Variants in HNRNPC observed in about 807,000 individuals in gnomAD.
HNRNPC encodes heterogeneous nuclear ribonucleoprotein C.
In HNRNPC, 3 loss-of-function variants were observed where a neutral mutation model predicts 33.2. That is an observed-to-expected ratio of 0.09 (90% CI 0.04 to 0.23). The LOEUF (loss-of-function observed/expected upper bound fraction) is 0.23, where lower values mean the gene tolerates loss of function less well. Among genes scored for constraint, HNRNPC ranks in the 10% least tolerant of loss-of-function variants. The pLI is 1.00. For synonymous variants in HNRNPC, 121 were observed against 126.7 expected (o/e 0.96, Z 0.30); for missense variants, 143 against 366.7 (o/e 0.39, Z 4.98).
At chr14:21,238,274 T>C (rs1227736552) in intron 2 of HNRNPC, among the ~76,000 whole-genome samples, 1 of 152,206 alleles carries the variant, frequency 6.6e-6, no homozygotes, top group East Asian at 1.9e-4. Context: ...CTTTTAAAAA[T>C]ACAACTTCAA....
At chr14:21,258,873 T>A (rs1877692126) in intron 2 of HNRNPC, among the ~76,000 whole-genome samples, 1 of 152,204 alleles carries the variant, frequency 6.6e-6, no homozygotes, top group Admixed American at 6.5e-5. Context: ...GATTATTTTC[T>A]TCAAGAGATT....
intron 2 of HNRNPC, among the ~76,000 whole-genome samples, chr14:21,252,367 G>A (rs1896768064): frequency 6.6e-6 from 1 of 152,306 alleles, no homozygotes; most frequent in South Asian, 2.1e-4. Context: ...CTGGAGTGCA[G>A]TGGCAGTATC....
chr14:21,229,778 C>T (rs1327004577), intron 5 of HNRNPC, among the ~76,000 whole-genome samples: 3 of 152,094 alleles, frequency 2.0e-5, no homozygotes, highest in African/African-American at 7.2e-5. Context: ...GGAATACTGG[C>T]ATTATAAGAC....
chr14:21,244,432 T>C (rs147680385), intron 2 of HNRNPC, among the ~76,000 whole-genome samples: 1 of 152,362 alleles, frequency 6.6e-6, no homozygotes, highest in Non-Finnish European at 1.5e-5. Context: ...GTCATTTAAT[T>C]TCCCCCGAGG....
chr14:21,262,321 C>T (rs1878382499), intron 2 of HNRNPC, among the ~76,000 whole-genome samples: 1 of 152,194 alleles, frequency 6.6e-6, no homozygotes, highest in Non-Finnish European at 1.5e-5. Context: ...AATATGTTTT[C>T]TTGTTGCTAA....
At chr14:21,222,205 A>G (rs963430018) in intron 5 of HNRNPC, among the ~76,000 whole-genome samples, 3 of 152,150 alleles carry the variant, frequency 2.0e-5, no homozygotes, top group African/African-American at 7.2e-5. Context: ...AGCAACTGGA[A>G]CCTTCCACAT....
intron 5 of HNRNPC, among the ~76,000 whole-genome samples, chr14:21,219,566 T>C (rs183010938): frequency 2.8e-4 from 42 of 152,340 alleles, no homozygotes; most frequent in Admixed American, 2.3e-3. Context: ...TTTGCCTTTC[T>C]ACTCTTTTGA....
At chr14:21,265,672 A>G (rs751477457) in intron 1 of HNRNPC, among the ~76,000 whole-genome samples, 75 of 152,138 alleles carry the variant, frequency 4.9e-4, no homozygotes, top group Middle Eastern at 3.4e-3. Context: ...TAGCAGCACT[A>G]CTCAGCAGGC....
intron 2 of HNRNPC, among the ~76,000 whole-genome samples, chr14:21,244,858 C>T (rs945906174): frequency 2.6e-5 from 4 of 152,002 alleles, no homozygotes; most frequent in African/African-American, 4.8e-5. Context: ...AGGTGGTTCA[C>T]GCCTGTAATC....
chr14:21,232,291 T>C (rs1894200311), intron 3 of HNRNPC, among the ~76,000 whole-genome samples: 2 of 152,208 alleles, frequency 1.3e-5, no homozygotes, highest in Admixed American at 1.3e-4. Flanking sequence ...TTTTCATATA[T>C]ACTGCTTTTA....
intron 1 of HNRNPC, chr14:21,264,650 T>C (rs1249971282): frequency 6.6e-6 from 1 of 152,194 alleles, no homozygotes; most frequent in Non-Finnish European, 1.5e-5. Context: ...TAGACTGTAG[T>C]TCCTTGTGCA....
intron 5 of HNRNPC, among the ~76,000 whole-genome samples, chr14:21,227,272 A>G (rs1893574160): frequency 6.6e-6 from 1 of 151,536 alleles, no homozygotes; most frequent in Admixed American, 6.6e-5. Context: ...CAATTCCTCA[A>G]TTCTCCAACC....
At chr14:21,226,043 T>C (rs1893384187) in intron 5 of HNRNPC, among the ~76,000 whole-genome samples, 1 of 151,952 alleles carries the variant, frequency 6.6e-6, no homozygotes, top group Non-Finnish European at 1.5e-5. Context: ...TTGGGCCAGG[T>C]GCAGTGGCTC....
At chr14:21,235,858 G>T (rs1028822260) in intron 2 of HNRNPC, among the ~76,000 whole-genome samples, 2 of 152,044 alleles carry the variant, frequency 1.3e-5, no homozygotes, top group Non-Finnish European at 2.9e-5. Flanking sequence ...TTAATGAGAA[G>T]AAATTACCAG....
chr14:21,256,726 C>G (rs1480132251), intron 2 of HNRNPC, among the ~76,000 whole-genome samples: 1 of 151,942 alleles, frequency 6.6e-6, no homozygotes, highest in Non-Finnish European at 1.5e-5. Context: ...GCGATCTCGG[C>G]TCACTGCAAC....
chr14:21,217,263 G>A (rs1892294784), intron 5 of HNRNPC, among the ~76,000 whole-genome samples: 1 of 152,066 alleles, frequency 6.6e-6, no homozygotes, highest in African/African-American at 2.4e-5. Flanking sequence ...TGTAGCTTGT[G>A]TTTTATTTCT....
intron 5 of HNRNPC, among the ~76,000 whole-genome samples, chr14:21,225,450 AAC>A (rs1491017648): frequency 1.3e-5 from 2 of 151,824 alleles, no homozygotes; most frequent in Non-Finnish European, 2.9e-5. Flanking sequence ...GAAAAAAAAA[AAC>A]AGAGAGAGAT....
At chr14:21,212,522 T>C (rs1288468388) in intron 6 of HNRNPC, among the ~76,000 whole-genome samples, 1 of 151,992 alleles carries the variant, frequency 6.6e-6, no homozygotes, top group Non-Finnish European at 1.5e-5. Flanking sequence ...TCAATCACAA[T>C]CTTGTCTCCT....
rs555434955 is a variant in HNRNPC, at chr14:21,224,150, G to A, written c.365+6169C>T. ...TCAAAAACATCTGAAAAATAGAAAAGGAGGTCAAAGTGTCTGCTAATCTAA... is the reference window on the plus strand; with the variant it reads ...TCAAAAACATCTGAAAAATAGAAAAAGAGGTCAAAGTGTCTGCTAATCTAA... On this transcript the variant is annotated intron_variant, in intron 5 of 8. Coordinates refer to ENST00000553300, the MANE Select transcript of HNRNPC (RefSeq NM_004500.4). Among the ~76,000 whole-genome samples the A allele has an allele frequency of 3.2e-4, 49 of 152,240 alleles. 1 individual carries two copies. Among genetic ancestry groups the A allele is most frequent in the African/African-American group, 1.1e-3 (44 of 41,518 alleles).
Sources: gnomAD v4.1 joint callset for allele counts (sites outside exome capture counted in the v4.1 genomes callset) on GRCh38, gnomAD v4.1.1 for gene constraint, MANE v1.5 for transcripts, NCBI Gene and HGNC (gene_info 2026-07-23, HGNC 2026-07-21) for gene names.